Variants in DAP observed in about 807,000 individuals in gnomAD.
DAP encodes death-associated protein 1.
A neutral mutation model predicts 13.8 loss-of-function variants in DAP; 8 were observed. The observed-to-expected ratio is 0.58, with a 90% CI of 0.34 to 1.05. The LOEUF (loss-of-function observed/expected upper bound fraction) is 1.05. Ranked by LOEUF, DAP falls within the 50% of genes least tolerant of loss-of-function variation. The pLI, the probability that DAP is intolerant of heterozygous loss-of-function variation, is 0.03. For synonymous variants in DAP, 47 were observed against 47.5 expected, an observed-to-expected ratio of 0.99 and a Z score of 0.04; for missense variants, 106 against 133.2, an observed-to-expected ratio of 0.80 and a Z score of 1.01.
chr5:10,709,946 T>C (rs997897845), intron 2 of DAP, among the ~76,000 whole-genome samples: 1 of 152,146 alleles, frequency 6.6e-6, no homozygotes, highest in Non-Finnish European at 1.5e-5. Context: ...ATATACTACA[T>C]AAGCCTTCCT....
chr5:10,746,881 C>T (rs1361181614), intron 2 of DAP, among the ~76,000 whole-genome samples: 1 of 152,202 alleles, frequency 6.6e-6, no homozygotes, highest in African/African-American at 2.4e-5. Flanking sequence ...ACCACTTCCT[C>T]ATGTGGGTGC....
chr5:10,701,489 C>G (rs553994181), intron 2 of DAP, among the ~76,000 whole-genome samples: 1 of 151,894 alleles, frequency 6.6e-6, no homozygotes, highest in African/African-American at 2.4e-5. Flanking sequence ...GATGTAAGTA[C>G]AAACATACTG....
chr5:10,723,244 T>C (rs1227162868), intron 2 of DAP, among the ~76,000 whole-genome samples: 1 of 152,226 alleles, frequency 6.6e-6, no homozygotes. Context: ...ACTGTATTAA[T>C]AGCACATCAG....
chr5:10,689,325 T>TGGAGACCCTGGGGGCTAAA (rs1313958942), intron 2 of DAP, among the ~76,000 whole-genome samples: 2 of 152,064 alleles, frequency 1.3e-5, no homozygotes, highest in Admixed American at 1.3e-4. Context: ...TGAATGGCCA[T>TGGAGACCCTGGGGGCTAAA]GGAGACCCTG....
chr5:10,756,838 T>C (rs1740197105), intron 1 of DAP, among the ~76,000 whole-genome samples: 2 of 152,230 alleles, frequency 1.3e-5, no homozygotes, highest in Admixed American at 1.3e-4. Context: ...ATGCTATGAC[T>C]GCTGTTAGAT....
intron 2 of DAP, among the ~76,000 whole-genome samples, chr5:10,720,603 C>T (rs1739110800): frequency 6.6e-6 from 1 of 152,196 alleles, no homozygotes; most frequent in Admixed American, 6.5e-5. Flanking sequence ...GCCATGGTGG[C>T]AGGGATGGAG....
chr5:10,711,821 T>C (rs1424922882), intron 2 of DAP, among the ~76,000 whole-genome samples: 1 of 152,242 alleles, frequency 6.6e-6, no homozygotes, highest in Non-Finnish European at 1.5e-5. Flanking sequence ...AAAAATGACA[T>C]GTGTCTAGCA....
chr5:10,679,979 C>T lies in DAP; in HGVS notation c.*1077G>A, dbSNP rs1737939917. The T allele has an allele frequency of 6.6e-6, 1 of 152,406 alleles. No individual in the cohort carries two copies. The highest frequency in any genetic ancestry group is 6.5e-5 in the Admixed American group (1 of 15,286). The allele number at this position is 152,406 out of a possible 1,614,324, so 9.4% of individuals were successfully genotyped here. ...CGCAGGGTACCCTACTGCCACCAGC[C>T]AGTGAGCAGACTAGGACATCTCTAG... On this transcript the variant is annotated 3_prime_UTR_variant, in exon 4 of 4. Transcript: ENST00000230895.
At position 10,707,697 on chromosome 5, in the gene DAP, A is replaced by T. The variant is rs554749580; in HGVS notation, c.153-24126T>A. Reference sequence around the variant, plus strand: ...GTGGTGCACAGGCGGCGTGATGTACAGGTGGTGTGATGCATGGGTGGTGTG... The same window carrying T: ...GTGGTGCACAGGCGGCGTGATGTACTGGTGGTGTGATGCATGGGTGGTGTG... On this transcript the variant is annotated intron_variant, in intron 2 of 3. Transcript: ENST00000230895. This position sits in a 1 kb window ranked among gnomAD's most constrained non-coding sequence, Gnocchi z 4.0. Among the ~76,000 whole-genome samples, 16 of 151,818 alleles carry T rather than the reference A, an allele frequency of 1.1e-4. No homozygotes were observed. The highest frequency in any genetic ancestry group is 3.6e-4 in the African/African-American group (15 of 41,364).
chr5:10,740,646 A>G (rs1442858998), intron 2 of DAP, among the ~76,000 whole-genome samples: 1 of 152,264 alleles, frequency 6.6e-6, no homozygotes, highest in Admixed American at 6.5e-5. Flanking sequence ...TGTTTAACAC[A>G]TTGAAAGAAA....
chr5:10,719,816 G>C (rs777442049), intron 2 of DAP, among the ~76,000 whole-genome samples: 1 of 152,224 alleles, frequency 6.6e-6, no homozygotes, highest in Non-Finnish European at 1.5e-5. Context: ...CTCATGAGGA[G>C]TTCCCTATGA....
chr5:10,694,715 C>T (rs1478814414), intron 2 of DAP, among the ~76,000 whole-genome samples: 1 of 152,194 alleles, frequency 6.6e-6, no homozygotes, highest in East Asian at 1.9e-4. Context: ...GACAGGGTAC[C>T]CTCGATCAGC....
At chr5:10,759,912 G>C (rs1239909816) in intron 1 of DAP, among the ~76,000 whole-genome samples, 2 of 151,892 alleles carry the variant, frequency 1.3e-5, no homozygotes, top group African/African-American at 4.8e-5. Flanking sequence ...CCGCCACCAT[G>C]CCCAGCTAAT....
intron 2 of DAP, among the ~76,000 whole-genome samples, chr5:10,698,854 T>C (rs780357321): frequency 2.6e-5 from 4 of 152,330 alleles, no homozygotes; most frequent in Non-Finnish European, 5.9e-5. Flanking sequence ...AATGAAGGTA[T>C]GTTCCAAAGA....
chr5:10,752,152 C>T (rs1198543322), intron 1 of DAP, among the ~76,000 whole-genome samples: 2 of 152,250 alleles, frequency 1.3e-5, no homozygotes, highest in Non-Finnish European at 2.9e-5. Context: ...CTGTCCGCTC[C>T]TCTGCTGAAA....
intron 2 of DAP, among the ~76,000 whole-genome samples, chr5:10,693,368 A>G (rs554343805): frequency 4.6e-5 from 7 of 152,342 alleles, no homozygotes; most frequent in Admixed American, 2.6e-4. Context: ...AAGCATGTAC[A>G]CAGAAGGCAG....
chr5:10,725,099 T>C (rs919462536), intron 2 of DAP, among the ~76,000 whole-genome samples: 3 of 152,212 alleles, frequency 2.0e-5, no homozygotes, highest in Non-Finnish European at 2.9e-5. Flanking sequence ...AAACAAACCT[T>C]CCATTCTTCA....
chr5:10,694,243 T>G (rs1374363999), intron 2 of DAP, among the ~76,000 whole-genome samples: 1 of 151,206 alleles, frequency 6.6e-6, no homozygotes. Context: ...TGGGCTAGAG[T>G]GTTGGATGAT....
At chr5:10,688,455 T>TAAAC (rs1383432525) in intron 2 of DAP, among the ~76,000 whole-genome samples, 6 of 152,138 alleles carry the variant, frequency 3.9e-5, no homozygotes, top group African/African-American at 1.4e-4. Context: ...CAGTGGAGGG[T>TAAAC]AAACATAACT....
Sources: allele counts gnomAD v4.1 joint callset (sites outside exome capture counted in the v4.1 genomes callset), GRCh38; gene constraint gnomAD v4.1.1; non-coding constraint Gnocchi (gnomAD v3.1); transcripts MANE v1.5; gene names NCBI Gene and HGNC (gene_info 2026-07-23, HGNC 2026-07-21).